Variants in MDGA2 observed in about 807,000 individuals in gnomAD.
The protein encoded by MDGA2 is MAM domain-containing glycosylphosphatidylinositol anchor protein 2.
MDGA2 carries 40 observed loss-of-function variants against 117.8 expected under a neutral mutation model. The observed-to-expected ratio is 0.34, with a 90% CI of 0.26 to 0.44. The LOEUF (loss-of-function observed/expected upper bound fraction) is 0.44. MDGA2 is among the 20% of genes least tolerant of loss of function. The pLI is 1.00. For synonymous variants in MDGA2, 452 were observed against 439.0 expected (o/e 1.03, Z -0.37); for missense variants, 1,123 against 1,250.6 (o/e 0.90, Z 1.54).
chr14:47,449,842 A>G (rs1893203561), intron 1 of MDGA2, among the ~76,000 whole-genome samples: 1 of 152,080 alleles, frequency 6.6e-6, no homozygotes, highest in Non-Finnish European at 1.5e-5. Flanking sequence ...AAAAACAAAA[A>G]CTCGTCATTT....
chr14:47,191,492 C>A (rs774052588), intron 3 of MDGA2, among the ~76,000 whole-genome samples: 1 of 150,362 alleles, frequency 6.7e-6, no homozygotes, highest in Admixed American at 6.6e-5. Context: ...TTAGAAAAGG[C>A]CATCTTACGG....
intron 7 of MDGA2, among the ~76,000 whole-genome samples, chr14:47,059,941 A>T (rs79707480): frequency 0.028 from 4,223 of 152,196 alleles, 95 homozygotes; most frequent in Non-Finnish European, 0.043. Flanking sequence ...GTCACCTAGC[A>T]CACTGAGGTG....
intron 1 of MDGA2, among the ~76,000 whole-genome samples, chr14:47,612,425 G>C (rs1252927354): frequency 6.6e-6 from 1 of 151,998 alleles, no homozygotes; most frequent in Non-Finnish European, 1.5e-5. Flanking sequence ...ACTTCAAAAT[G>C]TTTTTTTCAA....
chr14:46,906,058 A>C (rs2138464152), intron 10 of MDGA2, among the ~76,000 whole-genome samples: 1 of 152,134 alleles, frequency 6.6e-6, no homozygotes, highest in Non-Finnish European at 1.5e-5. Flanking sequence ...ATTTACTAAT[A>C]GCATATAATT....
intron 2 of MDGA2, among the ~76,000 whole-genome samples, chr14:47,226,254 TA>T (rs1886497934): frequency 6.6e-6 from 1 of 151,018 alleles, no homozygotes; most frequent in African/African-American, 2.4e-5. Flanking sequence ...AATAAATAAA[TA>T]AATAAATGGG....
At chr14:47,082,583 T>C (rs1293328929) in intron 6 of MDGA2, among the ~76,000 whole-genome samples, 2 of 152,042 alleles carry the variant, frequency 1.3e-5, no homozygotes, top group Non-Finnish European at 2.9e-5. Flanking sequence ...CTGTACTTTA[T>C]CTATTATAAG....
At chr14:47,365,608 T>A (rs1339299803) in intron 1 of MDGA2, among the ~76,000 whole-genome samples, 1 of 152,202 alleles carries the variant, frequency 6.6e-6, no homozygotes, top group African/African-American at 2.4e-5. Context: ...TTATTCTCCT[T>A]TTTTTCCCCA....
chr14:47,198,623 C>G (rs1885378290), intron 3 of MDGA2, among the ~76,000 whole-genome samples: 1 of 151,970 alleles, frequency 6.6e-6, no homozygotes, highest in Non-Finnish European at 1.5e-5. Flanking sequence ...TAAATGAATA[C>G]AATTATGATG....
chr14:46,953,098 T>C (rs182523108), intron 9 of MDGA2, among the ~76,000 whole-genome samples: 1 of 152,014 alleles, frequency 6.6e-6, no homozygotes, highest in East Asian at 1.9e-4. Flanking sequence ...ACTATGCAAA[T>C]GTAAAACTGG....
chr14:47,655,902 C>A (rs1180124479), intron 1 of MDGA2, among the ~76,000 whole-genome samples: 1 of 152,144 alleles, frequency 6.6e-6, no homozygotes, highest in Non-Finnish European at 1.5e-5. Flanking sequence ...TCCCACACAT[C>A]CCATGATATT....
rs1886706740 is a variant in MDGA2 at position 46,982,389 on chromosome 14, T to C, written c.1820-24746A>G. The stretch of plus-strand genomic sequence containing the variant: ...GATGGACAAATTAGTTTTAATATAT[T>C]GGTATAACCAAAAATTAGTTCCTTT... On this transcript the variant is annotated intron_variant, in intron 8 of 16. Coordinates refer to ENST00000399232, the MANE Select transcript of MDGA2 (RefSeq NM_001113498.3). Among the ~76,000 whole-genome samples the C allele has an allele frequency of 3.3e-5, 5 of 152,218 alleles. No homozygotes were observed. The South Asian group carries it at 1.0e-3, about 32-fold the overall frequency.
chr14:47,466,254 C>A (rs1232285105), intron 1 of MDGA2, among the ~76,000 whole-genome samples: 3 of 151,700 alleles, frequency 2.0e-5, no homozygotes, highest in Admixed American at 1.3e-4. Flanking sequence ...ATAATCTGTA[C>A]AATAAACCCA....
chr14:47,128,513 G>T (rs1882019473), intron 5 of MDGA2, among the ~76,000 whole-genome samples: 1 of 151,638 alleles, frequency 6.6e-6, no homozygotes, highest in South Asian at 2.1e-4. Flanking sequence ...TAGTTATAAG[G>T]CACAATACAT....
In MDGA2 at chr14:47,478,132, C is replaced by T. The variant is rs900489731; in HGVS notation, c.281-176582G>A. Among the ~76,000 whole-genome samples, 22 of 152,096 alleles carry T rather than the reference C, an allele frequency of 1.4e-4. No homozygotes were observed. In the East Asian group the frequency reaches 2.3e-3, roughly 16 times the overall value. On this transcript the variant is annotated intron_variant, in intron 1 of 16. Coordinates refer to ENST00000399232, the MANE Select transcript of MDGA2 (RefSeq NM_001113498.3). ...CAAAACTCAACCTTACATACTTTTT[C>T]TAAAGAAAATAAAAGTTTAACCTTA... is the stretch of plus-strand genomic sequence containing the variant.
intron 1 of MDGA2, among the ~76,000 whole-genome samples, chr14:47,394,549 T>C (rs1368525889): frequency 1.3e-5 from 2 of 152,198 alleles, no homozygotes; most frequent in Admixed American, 1.3e-4. Context: ...GAGACTACTG[T>C]ATTGCTTTCT....
intron 1 of MDGA2, among the ~76,000 whole-genome samples, chr14:47,549,077 G>A (rs1239003639): frequency 1.3e-5 from 2 of 152,128 alleles, no homozygotes; most frequent in Admixed American, 6.5e-5. Context: ...AATCAGTGAG[G>A]ATGGAGTTTT....
At chr14:47,667,027 C>T (rs144848069) in intron 1 of MDGA2, among the ~76,000 whole-genome samples, 3,303 of 152,308 alleles carry the variant, frequency 0.022, 46 homozygotes, top group Admixed American at 0.037. Context: ...TCCGGACACA[C>T]TGCCTTTAAG....
chr14:47,072,074 C>T (rs1000241349), intron 6 of MDGA2, among the ~76,000 whole-genome samples: 7 of 123,624 alleles, frequency 5.7e-5, no homozygotes, highest in Non-Finnish European at 1.1e-4. Context: ...CGAAAATGAC[C>T]CAGGAAGTTT....
intron 3 of MDGA2, among the ~76,000 whole-genome samples, chr14:47,149,194 G>A (rs970291397): frequency 6.6e-6 from 1 of 152,122 alleles, no homozygotes; most frequent in Non-Finnish European, 1.5e-5. Flanking sequence ...GGACGCTGAG[G>A]CAGGAGAATT....
Sources: gnomAD v4.1 joint callset for allele counts (sites outside exome capture counted in the v4.1 genomes callset) on GRCh38, gnomAD v4.1.1 for gene constraint, MANE v1.5 for transcripts, NCBI Gene and HGNC (gene_info 2026-07-23, HGNC 2026-07-21) for gene names.